Variants in CARM1 observed in about 807,000 individuals in gnomAD.
CARM1 encodes the protein histone-arginine methyltransferase CARM1.
CARM1 carries 14 observed loss-of-function variants against 72.7 expected under a neutral mutation model. The ratio of observed to expected loss-of-function variants is 0.19; its 90% CI spans 0.13 to 0.30. The LOEUF is 0.30. CARM1 is among the 10% of genes least tolerant of loss of function. CARM1 has a pLI of 1.00. For synonymous variants in CARM1, 333 were observed against 345.5 expected (o/e 0.96, Z 0.40); for missense variants, 432 against 833.7 (o/e 0.52, Z 5.93).
At chr19:10,898,372 C>G (rs1253461524) in intron 1 of CARM1, among the ~76,000 whole-genome samples, 1 of 152,190 alleles carries the variant, frequency 6.6e-6, no homozygotes, top group Non-Finnish European at 1.5e-5. Flanking sequence ...GGCCTCCTGG[C>G]TCTAGAGTCT....
rs1258538199 is a variant in CARM1 at position 10,920,082 on chromosome 19, G to C, written c.1196+116G>C. On this transcript the variant is annotated intron_variant, in intron 10 of 15. Transcript: ENST00000327064. This position sits in a 1 kb window ranked among gnomAD's most constrained non-coding sequence, Gnocchi z 5.3. ...CAGGTTCCACCATCCCTTCCAATGG[G>C]AGTGAGAGCCTGTCTCGGAGCAAGA... The C allele has an allele frequency of 2.3e-5, 18 of 794,368 alleles. No individual in the cohort carries two copies. The highest frequency in any genetic ancestry group is 3.6e-5 in the Non-Finnish European group (17 of 466,870). The allele number at this position is 794,368 out of a possible 1,614,324, so 49.2% of individuals were successfully genotyped here.
chr19:10,877,019 G>A (rs1053846717), intron 1 of CARM1, among the ~76,000 whole-genome samples: 6 of 152,242 alleles, frequency 3.9e-5, no homozygotes, highest in Admixed American at 2.0e-4. Flanking sequence ...ATGCCATGGG[G>A]TGGAAAGTTC....
intron 1 of CARM1, among the ~76,000 whole-genome samples, chr19:10,876,060 G>C (rs1178578661): frequency 6.6e-6 from 1 of 151,686 alleles, no homozygotes; most frequent in Non-Finnish European, 1.5e-5. Context: ...TGTATTTTTA[G>C]TAGAGATGGG....
chr19:10,899,040 T>TG (rs1253501160), intron 1 of CARM1, among the ~76,000 whole-genome samples: 1 of 150,822 alleles, frequency 6.6e-6, no homozygotes, highest in Non-Finnish European at 1.5e-5. Context: ...CTTGTTTTTT[T>TG]TTTTTTTTTT....
intron 8 of CARM1, among the ~76,000 whole-genome samples, chr19:10,917,865 C>G (rs2074210799): frequency 6.6e-6 from 1 of 151,958 alleles, no homozygotes; most frequent in African/African-American, 2.4e-5. Flanking sequence ...CGCTTGCCAC[C>G]ACTCCCAGCT....
chr19:10,889,481 AT>A (rs35291257), intron 1 of CARM1, among the ~76,000 whole-genome samples: 37,595 of 129,326 alleles, frequency 0.29, 4,478 homozygotes, highest in East Asian at 0.48. Flanking sequence ...TGCCCGGCTA[AT>A]TTTTTTTTTT....
chr19:10,896,822 G>A lies in CARM1; in HGVS notation c.221-8129G>A, dbSNP rs879138986. On this transcript the variant is annotated intron_variant, in intron 1 of 15. Coordinates refer to ENST00000327064, the MANE Select transcript of CARM1 (RefSeq NM_199141.2). The surrounding 1 kb of genome is among the most constrained non-coding windows in gnomAD (Gnocchi z 5.2). ...AGTCTGCCACTCGGCTGTCCTCACC[G>A]CCTCTAGGATGGGGAGTGTGTCTCC... is the stretch of plus-strand genomic sequence containing the variant. Among the ~76,000 whole-genome samples, 10 of 152,174 alleles carry A rather than the reference G, an allele frequency of 6.6e-5. No individual in the cohort carries two copies. Among genetic ancestry groups the A allele is most frequent in the Non-Finnish European group, 1.2e-4 (8 of 68,032 alleles).
chr19:10,905,254 C>T (rs1225365151), intron 2 of CARM1, among the ~76,000 whole-genome samples, 178 bp downstream of exon 2: 1 of 152,242 alleles, frequency 6.6e-6, no homozygotes, highest in East Asian at 1.9e-4. Context: ...CTGGGCAGAC[C>T]CTGGATCCCA....
At chr19:10,904,392 C>T (rs2074087849) in intron 1 of CARM1, among the ~76,000 whole-genome samples, 1 of 152,224 alleles carries the variant, frequency 6.6e-6, no homozygotes, top group Admixed American at 6.5e-5. Context: ...TGACTGGTAA[C>T]AGCTATCATG....
At chr19:10,886,613 G>T (rs1181528511) in intron 1 of CARM1, among the ~76,000 whole-genome samples, 1 of 151,836 alleles carries the variant, frequency 6.6e-6, no homozygotes, top group Non-Finnish European at 1.5e-5. Context: ...GGATCACAAG[G>T]TCAGGAGTTC....
chr19:10,909,261 T>A (rs1172404294), intron 4 of CARM1, 54 bp downstream of exon 4: 1 of 1,118,754 alleles, frequency 8.9e-7, no homozygotes, highest in Non-Finnish European at 1.3e-6. Flanking sequence ...GTTTTTTTTT[T>A]CTTTGCTCAT....
At position 10,912,395 on chromosome 19, in the gene CARM1, A is replaced by G. The variant is rs2074158542; in HGVS notation, c.669+101A>G. The stretch of plus-strand genomic sequence containing the variant: ...TGGGAACCCCCAGGGGCCTGGGGAC[A>G]TTACTTCTGTGCTTTGGTCTCTTTA... On this transcript the variant is annotated intron_variant, in intron 5 of 15. Transcript: ENST00000327064. This position sits in a 1 kb window ranked among gnomAD's most constrained non-coding sequence, Gnocchi z 4.5. The G allele has an allele frequency of 1.2e-6, 1 of 812,566 alleles. No homozygotes were observed. Among genetic ancestry groups the G allele is most frequent in the Non-Finnish European group, 2.1e-6 (1 of 473,252 alleles). The allele number at this position is 812,566 out of a possible 1,614,324, so 50.3% of individuals were successfully genotyped here. A position where few individuals can be genotyped will look rare whatever the true frequency, so the allele number is the denominator to read the frequency against.
chr19:10,899,033 GTTTTTT>G (rs34563725), intron 1 of CARM1, among the ~76,000 whole-genome samples: 2 of 117,458 alleles, frequency 1.7e-5, no homozygotes, highest in Non-Finnish European at 3.5e-5. Context: ...GGCTTAGCTT[GTTTTTT>G]TTTTTTTTTT....
chr19:10,872,043 G>T, intron 1 of CARM1, 121 bp downstream of exon 1: 1 of 848,194 alleles, frequency 1.2e-6, no homozygotes, highest in Non-Finnish European at 1.5e-6. Flanking sequence ...CCGGGACTGA[G>T]CCGGTGGCCT....
intron 1 of CARM1, among the ~76,000 whole-genome samples, chr19:10,881,845 G>T (rs1217378992): frequency 1.3e-5 from 2 of 152,178 alleles, no homozygotes; most frequent in Non-Finnish European, 2.9e-5. Context: ...CTGTGCACCA[G>T]TTACTGTTTT....
In CARM1 at chr19:10,922,093, T is replaced by G; in HGVS notation, c.*336T>G. 5.0e-6 allele frequency: 1 copy of G among 201,840 alleles called. No homozygotes were observed. Among genetic ancestry groups the G allele is most frequent in the Non-Finnish European group, 9.9e-6 (1 of 100,630 alleles). The allele number at this position is 201,840 out of a possible 1,614,324, so 12.5% of individuals were successfully genotyped here. A position where few individuals can be genotyped will look rare whatever the true frequency, so the allele number is the denominator to read the frequency against. Reference sequence around the variant, plus strand: ...TGCCAGCCCTGCCTGCCAGGTCCCTTAGCACCTGTCCCCCTGCCTGTCTCC... The same window carrying G: ...TGCCAGCCCTGCCTGCCAGGTCCCTGAGCACCTGTCCCCCTGCCTGTCTCC... On this transcript the variant is annotated 3_prime_UTR_variant, in exon 16 of 16. Coordinates refer to ENST00000327064, the MANE Select transcript of CARM1 (RefSeq NM_199141.2).
chr19:10,910,141 A>G (rs778269233), intron 4 of CARM1, among the ~76,000 whole-genome samples: 3 of 152,070 alleles, frequency 2.0e-5, no homozygotes, highest in Non-Finnish European at 4.4e-5. Flanking sequence ...ATGTGCACTC[A>G]TGATTAAAGA....
chr19:10,890,820 T>C (rs566802430), intron 1 of CARM1, among the ~76,000 whole-genome samples: 2 of 137,500 alleles, frequency 1.5e-5, no homozygotes, highest in Non-Finnish European at 3.1e-5. Flanking sequence ...TTTTTTTTTT[T>C]CTTGGTATAG....
At chr19:10,880,897 C>A (rs1232024473) in intron 1 of CARM1, among the ~76,000 whole-genome samples, 1 of 147,952 alleles carries the variant, frequency 6.8e-6, no homozygotes, top group Admixed American at 6.6e-5. Context: ...GGCACAGAGG[C>A]TCATGCCTGT....
Sources: allele counts gnomAD v4.1 joint callset (sites outside exome capture counted in the v4.1 genomes callset), GRCh38; gene constraint gnomAD v4.1.1; non-coding constraint Gnocchi (gnomAD v3.1); transcripts MANE v1.5; gene names NCBI Gene and HGNC (gene_info 2026-07-23, HGNC 2026-07-21).